Variants in RORA observed in about 807,000 individuals in gnomAD.
The protein encoded by RORA is nuclear receptor ROR-alpha.
Under a neutral mutation model 69.5 loss-of-function variants are expected in RORA, and 7 were observed. That is an observed-to-expected ratio of 0.10 (90% CI 0.06 to 0.19). RORA has a LOEUF of 0.19. Among genes scored for constraint, RORA ranks in the 10% least tolerant of loss-of-function variants. The pLI, the probability that RORA is intolerant of heterozygous loss-of-function variation, is 1.00. For synonymous variants in RORA, 261 were observed against 240.8 expected, an observed-to-expected ratio of 1.08 and a Z score of -0.78; for missense variants, 457 against 663.0, an observed-to-expected ratio of 0.69 and a Z score of 3.41.
At chr15:60,545,371 T>C (rs558780473) in intron 2 of RORA, among the ~76,000 whole-genome samples, 14 of 152,296 alleles carry the variant, frequency 9.2e-5, no homozygotes, top group African/African-American at 3.4e-4. Flanking sequence ...CTTTAAACTA[T>C]GTCACAAAGA....
At chr15:60,711,132 T>A (rs1405765698) in intron 1 of RORA, among the ~76,000 whole-genome samples, 1 of 152,188 alleles carries the variant, frequency 6.6e-6, no homozygotes, top group Non-Finnish European at 1.5e-5. Context: ...GTTTTGCCTC[T>A]GTACGGCCTC....
rs1435246094 is a variant in RORA at position 61,147,764 on chromosome 15, C to CGTGTGT, written c.166+81288_166+81289insACACAC. Among the ~76,000 whole-genome samples, 150 of 33,644 alleles carry CGTGTGT rather than the reference C, an allele frequency of 4.5e-3. 2 individuals are homozygous for CGTGTGT. Among genetic ancestry groups the CGTGTGT allele is most frequent in the African/African-American group, 0.011 (146 of 13,424 alleles). 22.1% of individuals were successfully genotyped at this position (33,644 alleles called of 152,430 possible). A position where few individuals can be genotyped will look rare whatever the true frequency, so the allele number is the denominator to read the frequency against. ...GATGGTCAGTAGGCACGTGCGCACA[C>CGTGTGT]GCGTGTGTGTGTGTGTGTGTGTGTG... On this transcript the variant is annotated intron_variant, in intron 1 of 10. Coordinates refer to ENST00000335670, the MANE Select transcript of RORA (RefSeq NM_134261.3). The surrounding 1 kb of genome is among the most constrained non-coding windows in gnomAD (Gnocchi z 4.1).
intron 1 of RORA, among the ~76,000 whole-genome samples, chr15:61,190,005 A>T (rs984453781): frequency 6.6e-6 from 1 of 152,080 alleles, no homozygotes; most frequent in African/African-American, 2.4e-5. Context: ...CACCAGGTGA[A>T]ATTTTGCAAT....
At chr15:61,078,565 T>C (rs1001612357) in intron 1 of RORA, among the ~76,000 whole-genome samples, 3 of 152,190 alleles carry the variant, frequency 2.0e-5, no homozygotes, top group African/African-American at 7.2e-5. Context: ...GCAGATACTA[T>C]TATGATCCTT....
chr15:60,769,545 C>T (rs997364987), intron 1 of RORA, among the ~76,000 whole-genome samples: 1 of 152,122 alleles, frequency 6.6e-6, no homozygotes, highest in Non-Finnish European at 1.5e-5. Context: ...AATAAACCAT[C>T]CTTGAATGTT....
At chr15:60,918,531 G>A (rs945524182) in intron 1 of RORA, among the ~76,000 whole-genome samples, 8 of 152,202 alleles carry the variant, frequency 5.3e-5, no homozygotes, top group Admixed American at 2.6e-4. Context: ...GCACTTTGGA[G>A]ATGCATGATT....
chr15:61,141,976 G>A (rs983956568), intron 1 of RORA, among the ~76,000 whole-genome samples: 3 of 152,122 alleles, frequency 2.0e-5, no homozygotes, highest in Non-Finnish European at 4.4e-5. Flanking sequence ...AGTGGAAAAG[G>A]GGAGGGACAG....
At chr15:61,037,255 A>G (rs1595902613) in intron 1 of RORA, among the ~76,000 whole-genome samples, 1 of 152,216 alleles carries the variant, frequency 6.6e-6, no homozygotes, top group East Asian at 1.9e-4. Flanking sequence ...AGCCACTATT[A>G]ACAGTGGATT....
intron 1 of RORA, among the ~76,000 whole-genome samples, chr15:61,116,373 T>C (rs557366754): frequency 3.0e-3 from 455 of 152,286 alleles, no homozygotes; most frequent in Non-Finnish European, 5.5e-3. Context: ...TGTATACCAC[T>C]GGCCTACAGT....
intron 2 of RORA, among the ~76,000 whole-genome samples, chr15:60,535,865 CACTT>C (rs1253321528): frequency 3.7e-4 from 57 of 152,292 alleles, no homozygotes; most frequent in East Asian, 1.7e-3. Flanking sequence ...CGGTAGGCAT[CACTT>C]ACTTAATTGT....
chr15:60,854,148 G>A lies in RORA; in HGVS notation c.167-175462C>T, dbSNP rs537680212. On this transcript the variant is annotated intron_variant, in intron 1 of 10. Transcript: ENST00000335670. ...ATGGTGGTGCGCATCTGTAGGCCCA[G>A]CTACTTGGGAGGCTGAGGCTGGAGA... Among the ~76,000 whole-genome samples, 144 of 152,242 alleles carry A rather than the reference G, an allele frequency of 9.5e-4. 2 individuals carry two copies. The highest frequency in any genetic ancestry group is 2.1e-3 in the Admixed American group (32 of 15,292).
chr15:60,922,168 T>TG (rs1170895062), intron 1 of RORA, among the ~76,000 whole-genome samples: 1 of 152,038 alleles, frequency 6.6e-6, no homozygotes, highest in South Asian at 2.1e-4. Flanking sequence ...TGTTGGGGCT[T>TG]GGGGGAGGGA....
intron 1 of RORA, among the ~76,000 whole-genome samples, chr15:60,937,912 A>C (rs1469459840): frequency 6.6e-6 from 1 of 152,264 alleles, no homozygotes. Flanking sequence ...AATATCAGTG[A>C]TAATAGCTAA....
At chr15:60,778,467 T>G (rs886972077) in intron 1 of RORA, among the ~76,000 whole-genome samples, 4 of 152,182 alleles carry the variant, frequency 2.6e-5, no homozygotes, top group South Asian at 2.1e-4. Flanking sequence ...GTTACCTCGG[T>G]GCAGACAACT....
rs145253882 is a variant in RORA at position 60,614,587 on chromosome 15, A to G, written c.196+64070T>C. Among the ~76,000 whole-genome samples the G allele has an allele frequency of 6.7e-3, 1,024 of 152,274 alleles. 15 individuals are homozygous for G. Among genetic ancestry groups the G allele is most frequent in the African/African-American group, 0.023 (965 of 41,538 alleles). On this transcript the variant is annotated intron_variant, in intron 2 of 10. Transcript: ENST00000335670. ...GCAGTTCACGGACAATCTGGCTTATAAAGACATGGCTTCTGTGTCGGTTCT... is the reference window on the plus strand; with the variant it reads ...GCAGTTCACGGACAATCTGGCTTATGAAGACATGGCTTCTGTGTCGGTTCT...
intron 1 of RORA, among the ~76,000 whole-genome samples, chr15:60,942,956 A>T (rs1892745758): frequency 6.6e-6 from 1 of 152,218 alleles, no homozygotes; most frequent in Admixed American, 6.5e-5. Context: ...CTGAAGGTCA[A>T]ATTTATTAGA....
chr15:61,110,081 A>G (rs888717948), intron 1 of RORA, among the ~76,000 whole-genome samples: 11 of 152,172 alleles, frequency 7.2e-5, no homozygotes, highest in Admixed American at 7.2e-4. Flanking sequence ...AAACAAACCT[A>G]CTGCACTGCC....
intron 1 of RORA, among the ~76,000 whole-genome samples, chr15:61,168,197 T>C (rs868207976): frequency 1.3e-5 from 2 of 150,986 alleles, no homozygotes; most frequent in Non-Finnish European, 1.5e-5. Context: ...TACACATATA[T>C]ACACGCGCGT....
In RORA at chr15:60,839,476, G is replaced by A. The variant is rs146551288; in HGVS notation, c.167-160790C>T. ...ACACCAACCTAATATCTCCTAGGAA[G>A]CTCAGAGTGATTAAATACCTCACAG... is the stretch of plus-strand genomic sequence containing the variant. On this transcript the variant is annotated intron_variant, in intron 1 of 10. Coordinates refer to ENST00000335670, the MANE Select transcript of RORA (RefSeq NM_134261.3). Among the ~76,000 whole-genome samples, 824 of 152,254 alleles carry A rather than the reference G, an allele frequency of 5.4e-3. 12 individuals carry two copies. Among genetic ancestry groups the A allele is most frequent in the Middle Eastern group, 0.01 (3 of 294 alleles).
Sources: gnomAD v4.1 joint callset for allele counts (sites outside exome capture counted in the v4.1 genomes callset) on GRCh38, gnomAD v4.1.1 for gene constraint, Gnocchi (gnomAD v3.1) non-coding constraint, MANE v1.5 for transcripts, NCBI Gene and HGNC (gene_info 2026-07-23, HGNC 2026-07-21) for gene names.